The following TASP1 variants were observed in gnomAD, a reference collection of about 807,000 sequenced individuals.
The protein encoded by TASP1 is threonine aspartase 1.
A neutral mutation model predicts 56.6 loss-of-function variants in TASP1; 16 were observed. The ratio of observed to expected loss-of-function variants is 0.28; its 90% CI spans 0.19 to 0.43. The LOEUF (loss-of-function observed/expected upper bound fraction) is 0.43, where lower values mean the gene tolerates loss of function less well. Ranked by LOEUF, TASP1 falls within the 20% of genes least tolerant of loss-of-function variation. TASP1 has a pLI of 1.00. For missense variants in TASP1, 393 were observed against 511.6 expected (o/e 0.77, Z 2.24); for synonymous variants, 179 against 184.2 (o/e 0.97, Z 0.23).
At chr20:13,519,329 A>C (rs1421103449) in intron 10 of TASP1, among the ~76,000 whole-genome samples, 2 of 152,118 alleles carry the variant, frequency 1.3e-5, no homozygotes, top group Non-Finnish European at 2.9e-5. Context: ...AATCTACAGT[A>C]AAAGTTGAAA....
chr20:13,145,049 A>G, the TASP1 span, among the ~76,000 whole-genome samples: 1 of 152,142 alleles, frequency 6.6e-6, no homozygotes, highest in African/African-American at 2.4e-5. Context: ...TGCTGGGATT[A>G]CAGGTGTGAG....
chr20:13,132,559 A>AGC, the TASP1 span, among the ~76,000 whole-genome samples: 1 of 152,126 alleles, frequency 6.6e-6, no homozygotes, highest in African/African-American at 2.4e-5. Flanking sequence ...CTAAAAGGTA[A>AGC]ACTCCAGGAG....
chr20:13,231,075 A>C, the TASP1 span, among the ~76,000 whole-genome samples: 1 of 152,068 alleles, frequency 6.6e-6, no homozygotes, highest in Non-Finnish European at 1.5e-5. Context: ...CTCTCAAATA[A>C]ATTACTTGTT....
At chr20:13,537,675 G>C (rs2045465714) in intron 8 of TASP1, among the ~76,000 whole-genome samples, 2 of 151,964 alleles carry the variant, frequency 1.3e-5, no homozygotes, top group Non-Finnish European at 2.9e-5. Flanking sequence ...TTACTTTTTT[G>C]ATAAAATTGT....
intron 7 of TASP1, among the ~76,000 whole-genome samples, chr20:13,559,982 T>C (rs2046287462): frequency 6.6e-6 from 1 of 151,938 alleles, no homozygotes; most frequent in South Asian, 2.1e-4. Flanking sequence ...ATAACACACG[T>C]TTATGCTCAG....
the TASP1 span, among the ~76,000 whole-genome samples, chr20:13,217,253 C>G: frequency 6.6e-6 from 1 of 152,210 alleles, no homozygotes; most frequent in African/African-American, 2.4e-5. Flanking sequence ...ACTGAGAATG[C>G]AGGTAAGACA....
intron 11 of TASP1, among the ~76,000 whole-genome samples, chr20:13,474,069 C>T (rs1250809088): frequency 6.6e-6 from 1 of 152,076 alleles, no homozygotes; most frequent in East Asian, 1.9e-4. Flanking sequence ...GAGGGAGACT[C>T]AGTCTTGAAA....
chr20:13,454,263 G>T (rs2043743516), intron 11 of TASP1, among the ~76,000 whole-genome samples: 1 of 152,066 alleles, frequency 6.6e-6, no homozygotes, highest in Non-Finnish European at 1.5e-5. Context: ...ATTGAAACTT[G>T]CTGCTCTGTG....
chr20:13,397,910 C>T (rs1043872256), intron 13 of TASP1, among the ~76,000 whole-genome samples: 12 of 152,096 alleles, frequency 7.9e-5, no homozygotes, highest in Non-Finnish European at 1.8e-4. Flanking sequence ...TCACCATTTC[C>T]TTGGTCAAGA....
At chr20:13,176,410 A>G in the TASP1 span, among the ~76,000 whole-genome samples, 5 of 152,288 alleles carry the variant, frequency 3.3e-5, no homozygotes, top group Admixed American at 2.0e-4. Context: ...TTAAGAGTGT[A>G]TATCATGAAG....
chr20:13,279,661 G>A, the TASP1 span: 7 of 1,613,858 alleles, frequency 4.3e-6, no homozygotes, highest in Admixed American at 1.0e-4. Context: ...CGACGGTCCT[G>A]ACTCTGAAGC....
At chr20:13,284,201 A>C in the TASP1 span, among the ~76,000 whole-genome samples, 5,974 of 152,326 alleles carry the variant, frequency 0.039, 346 homozygotes, top group African/African-American at 0.13. Context: ...ATCTAGGATT[A>C]GTGGTGCAGG....
At chr20:13,197,243 G>A in the TASP1 span, among the ~76,000 whole-genome samples, 1 of 152,256 alleles carries the variant, frequency 6.6e-6, no homozygotes, top group Non-Finnish European at 1.5e-5. Context: ...TGTTTCATCT[G>A]GTAAGAGTGA....
At chr20:13,609,258 AG>A (rs2147420494) in intron 4 of TASP1, among the ~76,000 whole-genome samples, 1 of 152,340 alleles carries the variant, frequency 6.6e-6, no homozygotes, top group South Asian at 2.1e-4. Context: ...CACATCCACA[AG>A]GACAGTTATG....
intron 8 of TASP1, among the ~76,000 whole-genome samples, chr20:13,558,540 A>C (rs1266306789): frequency 6.6e-6 from 1 of 152,026 alleles, no homozygotes; most frequent in Non-Finnish European, 1.5e-5. Context: ...ATATTAAACT[A>C]TTAGGAAGAT....
At chr20:13,521,151 T>C (rs1245922713) in intron 10 of TASP1, among the ~76,000 whole-genome samples, 3 of 152,176 alleles carry the variant, frequency 2.0e-5, no homozygotes, top group East Asian at 3.9e-4. Context: ...TGTGGAGAAA[T>C]AGGAACACTT....
intron 10 of TASP1, among the ~76,000 whole-genome samples, chr20:13,517,800 A>G (rs2044595246): frequency 6.6e-6 from 1 of 152,184 alleles, no homozygotes; most frequent in Non-Finnish European, 1.5e-5. Flanking sequence ...TTACTTATAT[A>G]AAAAGCAAGA....
At chr20:13,311,806 G>A in the TASP1 span, among the ~76,000 whole-genome samples, 4 of 152,138 alleles carry the variant, frequency 2.6e-5, no homozygotes, top group Non-Finnish European at 5.9e-5. Context: ...GTGTGGAAAG[G>A]GGAAATGTTA....
the TASP1 span, among the ~76,000 whole-genome samples, chr20:13,306,079 G>GAA: frequency 3.7e-4 from 56 of 151,872 alleles, no homozygotes; most frequent in Admixed American, 7.9e-4. Context: ...CCCTCAAAAT[G>GAA]AAAAAAACCT....
Sources: gnomAD v4.1 joint callset for allele counts (sites outside exome capture counted in the v4.1 genomes callset) on GRCh38, gnomAD v4.1.1 for gene constraint, MANE v1.5 for transcripts, NCBI Gene and HGNC (gene_info 2026-07-23, HGNC 2026-07-21) for gene names.